Variants in SGIP1 observed in about 807,000 individuals in gnomAD.
The protein encoded by SGIP1 is SH3-containing GRB2-like protein 3-interacting protein 1.
A neutral mutation model predicts 107.5 loss-of-function variants in SGIP1; 38 were observed. That is an observed-to-expected ratio of 0.35 (90% CI 0.27 to 0.46). The LOEUF is 0.46. SGIP1 is among the 20% of genes least tolerant of loss of function. SGIP1 has a pLI of 1.00. For missense variants in SGIP1, 929 were observed against 1,019.5 expected, an observed-to-expected ratio of 0.91 and a Z score of 1.21; for synonymous variants, 365 against 366.1, an observed-to-expected ratio of 1.00 and a Z score of 0.03.
Position 66,690,209 on chromosome 1 carries a change from C to G in SGIP1, c.1463C>G (p.Pro488Arg), listed in dbSNP as rs974575029. The change falls in exon 17 of 25, where the codon CCC (proline) becomes CGC (arginine). Residue 488 changes from proline (P) to arginine (R), a missense_variant. By Grantham distance (103) the Pro-to-Arg change is moderately radical. Transcript: ENST00000371037. ...VGDVSRPFSP[P>R]IHSSSPPPIA... Reference sequence around the variant, plus strand: ...TTACAGTCCAGACCTTTTAGCCCTCCCATTCATTCTTCCAGCCCTCCTCCA... The same window carrying G: ...TTACAGTCCAGACCTTTTAGCCCTCGCATTCATTCTTCCAGCCCTCCTCCA... The G allele has an allele frequency of 1.2e-6, 2 of 1,614,018 alleles. No homozygotes were observed. Among genetic ancestry groups the G allele is most frequent in the African/African-American group, 2.7e-5 (2 of 74,924 alleles).
chr1:66,662,594 T>C (rs1444467708), intron 8 of SGIP1, among the ~76,000 whole-genome samples: 2 of 152,190 alleles, frequency 1.3e-5, no homozygotes, highest in African/African-American at 2.4e-5. Context: ...GGTAGACATA[T>C]TCATTTTGAA....
intron 7 of SGIP1, among the ~76,000 whole-genome samples, chr1:66,652,609 T>A (rs1198764078): frequency 6.6e-6 from 1 of 152,188 alleles, no homozygotes; most frequent in Non-Finnish European, 1.5e-5. Context: ...GTTGTTTGCC[T>A]GTTCCATGTG....
At chr1:66,574,279 T>C (rs531517143) in intron 1 of SGIP1, among the ~76,000 whole-genome samples, 1 of 152,224 alleles carries the variant, frequency 6.6e-6, no homozygotes, top group East Asian at 1.9e-4. Flanking sequence ...TTCCACTGTG[T>C]TGTGTGGCAC....
intron 5 of SGIP1, among the ~76,000 whole-genome samples, chr1:66,642,201 G>C (rs2076920140): frequency 6.6e-6 from 1 of 152,082 alleles, no homozygotes; most frequent in Admixed American, 6.6e-5. Flanking sequence ...CCGCTGTGCA[G>C]CTTCTTCTCC....
chr1:66,581,661 C>T (rs2061842195), intron 1 of SGIP1, among the ~76,000 whole-genome samples: 2 of 152,018 alleles, frequency 1.3e-5, no homozygotes, highest in South Asian at 2.1e-4. Flanking sequence ...GCATCCTCAG[C>T]TCAGCTCAAG....
chr1:66,647,852 T>A (rs2149537190), intron 7 of SGIP1, among the ~76,000 whole-genome samples: 1 of 152,328 alleles, frequency 6.6e-6, no homozygotes, highest in Admixed American at 6.5e-5. Flanking sequence ...TGTAATTTTG[T>A]CCTTGATTGT....
chr1:66,587,154 A>G (rs1244357728), intron 1 of SGIP1, among the ~76,000 whole-genome samples: 2 of 152,066 alleles, frequency 1.3e-5, no homozygotes, highest in Admixed American at 6.6e-5. Flanking sequence ...AATTTCAATC[A>G]CAGCATATAT....
intron 13 of SGIP1, among the ~76,000 whole-genome samples, chr1:66,678,648 T>G (rs1298336882): frequency 6.6e-6 from 1 of 152,042 alleles, no homozygotes; most frequent in Admixed American, 6.5e-5. Flanking sequence ...GGCTTTAGGA[T>G]GAGGGTTGTT....
At chr1:66,723,306 C>G (rs2093622534) in intron 19 of SGIP1, among the ~76,000 whole-genome samples, 1 of 152,148 alleles carries the variant, frequency 6.6e-6, no homozygotes, top group Admixed American at 6.5e-5. Context: ...GAACAGAAAT[C>G]TACTATCTTA....
rs767562314 is a variant in SGIP1 at position 66,672,505 on chromosome 1, T to C, written c.560+510T>C. 2.0e-5 allele frequency among the ~76,000 whole-genome samples: 3 copies of C among 152,214 alleles called. No individual in the cohort carries two copies. In the South Asian group the frequency reaches 6.2e-4, roughly 32 times the overall value. ...TTTTATAAAAAGACTGCTATTTCTA[T>C]TTTGAAACTGGATTATTTTCAATCT... On this transcript the variant is annotated intron_variant, in intron 11 of 24. Transcript: ENST00000371037.
At chr1:66,720,470 G>A (rs1485908490) in intron 19 of SGIP1, among the ~76,000 whole-genome samples, 1 of 152,180 alleles carries the variant, frequency 6.6e-6, no homozygotes. Context: ...GCTCACACCT[G>A]TAATTCCAGC....
At chr1:66,694,254 A>AATC (rs2090438052) in intron 17 of SGIP1, among the ~76,000 whole-genome samples, 1 of 151,956 alleles carries the variant, frequency 6.6e-6, no homozygotes, top group Non-Finnish European at 1.5e-5. Context: ...CCTCTCATAG[A>AATC]ATCATCACAA....
At chr1:66,550,039 C>A (rs1395463411) in intron 1 of SGIP1, among the ~76,000 whole-genome samples, 1 of 152,068 alleles carries the variant, frequency 6.6e-6, no homozygotes, top group Non-Finnish European at 1.5e-5. Context: ...TTGAAGAGCT[C>A]ATTGCTATAC....
intron 1 of SGIP1, among the ~76,000 whole-genome samples, chr1:66,588,328 T>C (rs949256493): frequency 6.6e-6 from 1 of 152,124 alleles, no homozygotes; most frequent in Admixed American, 6.6e-5. Context: ...CACTGTAGTA[T>C]CTCTGGGAAG....
intron 8 of SGIP1, among the ~76,000 whole-genome samples, chr1:66,664,338 A>G (rs2082106795): frequency 6.6e-6 from 1 of 152,162 alleles, no homozygotes; most frequent in Non-Finnish European, 1.5e-5. Flanking sequence ...TAAGGCAAAT[A>G]ATAAAGTCTA....
intron 19 of SGIP1, among the ~76,000 whole-genome samples, chr1:66,723,252 T>C (rs896503843): frequency 1.3e-5 from 2 of 152,228 alleles, no homozygotes; most frequent in African/African-American, 4.8e-5. Context: ...TATAGTTCCC[T>C]GTCATCCTGC....
At chr1:66,660,135 A>G (rs1307222789) in intron 7 of SGIP1, 41 of 84,034 alleles carry the variant, frequency 4.9e-4, no homozygotes, top group African/African-American at 3.1e-3. Context: ...AAAGAAAGAA[A>G]GAAAGAAGAG....
chr1:66,562,336 A>C (rs571410921), intron 1 of SGIP1, among the ~76,000 whole-genome samples: 1 of 152,176 alleles, frequency 6.6e-6, no homozygotes, highest in African/African-American at 2.4e-5. Context: ...AATATTTGCT[A>C]GATGAGGGTT....
chr1:66,632,540 TG>T (rs2074986889), intron 2 of SGIP1, among the ~76,000 whole-genome samples: 1 of 152,214 alleles, frequency 6.6e-6, no homozygotes, highest in Admixed American at 6.5e-5. Flanking sequence ...CTCGGGAGGC[TG>T]GAGCAGAGGT....
Sources: allele counts gnomAD v4.1 joint callset (sites outside exome capture counted in the v4.1 genomes callset), GRCh38; gene constraint gnomAD v4.1.1; transcripts MANE v1.5; gene names NCBI Gene and HGNC (gene_info 2026-07-23, HGNC 2026-07-21).